Variants in FBRSL1 observed in about 807,000 individuals in gnomAD.
The protein encoded by FBRSL1 is fibrosin-1-like protein.
In FBRSL1, 51 loss-of-function variants were observed where a neutral mutation model predicts 89.6. The observed-to-expected ratio is 0.57, with a 90% CI of 0.45 to 0.72. The LOEUF is 0.72. FBRSL1 is among the 30% of genes least tolerant of loss of function. FBRSL1 has a pLI of 0.00. For synonymous variants in FBRSL1, 779 were observed against 681.1 expected, an observed-to-expected ratio of 1.14 and a Z score of -2.24; for missense variants, 1,618 against 1,451.8, an observed-to-expected ratio of 1.11 and a Z score of -1.86.
In FBRSL1 at chr12:132,548,609, T is replaced by C. The variant is rs540443558; in HGVS notation, c.645+577T>C. Among the ~76,000 whole-genome samples, 25 of 152,290 alleles carry C rather than the reference T, an allele frequency of 1.6e-4. 1 individual carries two copies. Among genetic ancestry groups the C allele is most frequent in the South Asian group, 1.2e-3 (6 of 4,828 alleles). Reference sequence around the variant, plus strand: ...CTCGGAGCAGCCTCCGGGGGGGCTCTCCTTCTGCCCCGCTTGCCCCAGAGC... The same window carrying C: ...CTCGGAGCAGCCTCCGGGGGGGCTCCCCTTCTGCCCCGCTTGCCCCAGAGC... On this transcript the variant is annotated intron_variant, in intron 5 of 18. Coordinates refer to ENST00000680143, the MANE Select transcript of FBRSL1 (RefSeq NM_001367871.1).
At chr12:132,537,309 C>T (rs1860704945) in intron 4 of FBRSL1, among the ~76,000 whole-genome samples, 1 of 151,992 alleles carries the variant, frequency 6.6e-6, no homozygotes, top group African/African-American at 2.4e-5. Context: ...GTGTGTGAGT[C>T]GGGCCGAGCC....
chr12:132,531,020 C>T (rs1338871743), intron 4 of FBRSL1, among the ~76,000 whole-genome samples: 6 of 151,342 alleles, frequency 4.0e-5, no homozygotes, highest in East Asian at 1.9e-4. Flanking sequence ...GGTGAGAGCC[C>T]GGGGTGCAGG....
At chr12:132,557,195 C>T (rs1214301791) in intron 5 of FBRSL1, among the ~76,000 whole-genome samples, 3 of 152,208 alleles carry the variant, frequency 2.0e-5, no homozygotes, top group Non-Finnish European at 4.4e-5. Flanking sequence ...GACGCAGTTA[C>T]AGTGTTGGTT....
chr12:132,579,910 C>G (rs2040627295), intron 15 of FBRSL1, among the ~76,000 whole-genome samples: 1 of 152,094 alleles, frequency 6.6e-6, no homozygotes, highest in Non-Finnish European at 1.5e-5. Context: ...CTTCTGGCAT[C>G]GGTTTCAGTA....
At position 132,574,165 on chromosome 12, in the gene FBRSL1, G is replaced by A; in HGVS notation, c.1599+7G>A. ...CCTGCAGAAAGCGCCTGGGGTAGGT[G>A]TTAGTGGGCGCCCGTCCCCACCCCG... On this transcript the variant is annotated splice_region_variant and intron_variant, in intron 12 of 18. Transcript: ENST00000680143. The A allele has an allele frequency of 4.2e-6, 6 of 1,424,930 alleles. No homozygotes were observed. The highest frequency in any genetic ancestry group is 2.6e-5 in the East Asian group (1 of 38,870). 88.3% of individuals were successfully genotyped at this position (1,424,930 alleles called of 1,614,324 possible).
chr12:132,572,825 G>A (rs117916465), intron 11 of FBRSL1, among the ~76,000 whole-genome samples: 4,715 of 152,340 alleles, frequency 0.031, 106 homozygotes, highest in Non-Finnish European at 0.048. Flanking sequence ...GGGAGGGACA[G>A]GGGGTCCAGC....
chr12:132,574,349 G>T lies in FBRSL1; in HGVS notation c.1629+1G>T. On this transcript the variant is annotated splice_donor_variant, in intron 13 of 18. Transcript: ENST00000680143. LOFTEE classifies it high-confidence loss of function. ...TGACCCGTACCGGGCGGTGGTCAAGGTGAGCACGTGTTGGGAAGGCCCGTG... is the reference window on the plus strand; with the variant it reads ...TGACCCGTACCGGGCGGTGGTCAAGTTGAGCACGTGTTGGGAAGGCCCGTG... 6.5e-7 allele frequency: 1 copy of T among 1,549,780 alleles called. No homozygotes were observed. Among genetic ancestry groups the T allele is most frequent in the Non-Finnish European group, 8.7e-7 (1 of 1,146,558 alleles).
chr12:132,530,623 CTG>C (rs1221707696), intron 4 of FBRSL1, among the ~76,000 whole-genome samples: 3 of 151,800 alleles, frequency 2.0e-5, no homozygotes, highest in African/African-American at 7.3e-5. Context: ...CCAGAGCACT[CTG>C]TGTTTCCTGA....
In FBRSL1 at chr12:132,499,451, C is replaced by T. The variant is rs1479362836; in HGVS notation, c.291+8590C>T. On this transcript the variant is annotated intron_variant, in intron 1 of 18. Transcript: ENST00000680143. The surrounding 1 kb of genome is among the most constrained non-coding windows in gnomAD (Gnocchi z 4.3). Reference sequence around the variant, plus strand: ...TATTGAGCACCGGCTGTGTGCCAGGCCCTGGGCCGGCCCCCAAGATACACC... The same window carrying T: ...TATTGAGCACCGGCTGTGTGCCAGGTCCTGGGCCGGCCCCCAAGATACACC... Among the ~76,000 whole-genome samples the T allele has an allele frequency of 6.6e-6, 1 of 152,206 alleles. No homozygotes were observed. Among genetic ancestry groups the T allele is most frequent in the Non-Finnish European group, 1.5e-5 (1 of 68,028 alleles).
At chr12:132,579,692 C>CT (rs1473214051) in intron 15 of FBRSL1, among the ~76,000 whole-genome samples, 1 of 152,170 alleles carries the variant, frequency 6.6e-6, no homozygotes, top group African/African-American at 2.4e-5. Flanking sequence ...TAAGCCTGGC[C>CT]TTTACTTTCC....
chr12:132,569,541 C>T (rs1174122541), intron 6 of FBRSL1, among the ~76,000 whole-genome samples: 2 of 152,188 alleles, frequency 1.3e-5, no homozygotes, highest in Non-Finnish European at 2.9e-5. Flanking sequence ...TGTTCAAATC[C>T]AGCTCCCCTC....
intron 4 of FBRSL1, among the ~76,000 whole-genome samples, chr12:132,542,326 G>T (rs141189577): frequency 6.6e-6 from 1 of 152,232 alleles, no homozygotes; most frequent in African/African-American, 2.4e-5. Context: ...CTTCCGCACC[G>T]GTGTTCCCAG....
In FBRSL1 at chr12:132,546,041, C is replaced by T. The variant is rs1037694597; in HGVS notation, c.616-1962C>T. On this transcript the variant is annotated intron_variant, in intron 4 of 18. Transcript: ENST00000680143. The surrounding 1 kb of genome is among the most constrained non-coding windows in gnomAD (Gnocchi z 4.0). ...GCAGAGGGCATCCTTGGCACAGTCT[C>T]GGCTCCTGCTTTGCCCTCTTCCGGT... is the stretch of plus-strand genomic sequence containing the variant. Among the ~76,000 whole-genome samples the T allele has an allele frequency of 3.9e-5, 6 of 152,322 alleles. No individual in the cohort carries two copies. Among genetic ancestry groups the T allele is most frequent in the African/African-American group, 9.6e-5 (4 of 41,568 alleles).
Position 132,583,363 on chromosome 12 carries a change from TC to T in FBRSL1, c.2598del (p.Ala867LeufsTer94), listed in dbSNP as rs1472694714. On this transcript the variant is annotated frameshift_variant, in exon 19 of 19. Coordinates refer to ENST00000680143, the MANE Select transcript of FBRSL1 (RefSeq NM_001367871.1). LOFTEE classifies it high-confidence loss of function. ...GGCCTGGAGCTGCCACGTCGCGCCT[TC>T]CCCGCTGCCGCCCCCGCCCCGGGCT... Reference protein sequence around the residue: ...FRGLELPRRAFPAAAPAPGSA... With the variant: ...FRGLELPRRAXPAAAPAPGSA... 1.8e-6 allele frequency: 2 copies of T among 1,124,576 alleles called. No homozygotes were observed. Among genetic ancestry groups the T allele is most frequent in the Non-Finnish European group, 2.2e-6 (2 of 917,462 alleles). The allele number at this position is 1,124,576 out of a possible 1,614,324, so 69.7% of individuals were successfully genotyped here.
Position 132,514,316 on chromosome 12 carries a change from G to C in FBRSL1, c.489+5966G>C, listed in dbSNP as rs140373573. On this transcript the variant is annotated intron_variant, in intron 2 of 18. Transcript: ENST00000680143. ...CCAGGGCCGCCCAGAAGTCCAGGGG[G>C]AGTCCTGGGGCCTCGGAGGGATCTG... Among the ~76,000 whole-genome samples, 402 of 152,310 alleles carry C rather than the reference G, an allele frequency of 2.6e-3. 1 individual carries two copies. The highest frequency in any genetic ancestry group is 9.4e-3 in the African/African-American group (389 of 41,570).
At chr12:132,543,402 G>A (rs548543181) in intron 4 of FBRSL1, among the ~76,000 whole-genome samples, 24 of 152,328 alleles carry the variant, frequency 1.6e-4, no homozygotes, top group African/African-American at 5.8e-4. Flanking sequence ...TGAGTTCCAG[G>A]GTGCACGTTA....
rs990573715 is a variant in FBRSL1, at chr12:132,521,586, G to A, written c.490-4148G>A. Among the ~76,000 whole-genome samples the A allele has an allele frequency of 2.6e-5, 4 of 152,186 alleles. No homozygotes were observed. The East Asian group carries it at 5.8e-4, about 22-fold the overall frequency. Reference sequence around the variant, plus strand: ...TGCAGAGGCTGGAGGCATCGTGGCCGGCCAGTCTCAGTTCATGCCCCTGTA... The same window carrying A: ...TGCAGAGGCTGGAGGCATCGTGGCCAGCCAGTCTCAGTTCATGCCCCTGTA... On this transcript the variant is annotated intron_variant, in intron 2 of 18. Transcript: ENST00000680143.
intron 8 of FBRSL1, among the ~76,000 whole-genome samples, 163 bp from the exon 9 acceptor site, chr12:132,570,905 A>C (rs2039968076): frequency 6.6e-6 from 1 of 152,134 alleles, no homozygotes. Context: ...CCCGACCGCG[A>C]AGGCTTCCTC....
At position 132,582,190 on chromosome 12, in the gene FBRSL1, TC is replaced by T; in HGVS notation, c.2127del (p.Val710TrpfsTer9). ...SFPAPPPWPK[S>X]VDAERVSALT... is the part of the protein sequence containing the mutation. ...CCCGGCTCCGCCCCCGTGGCCCAAG[TC>T]CGTGGACGCGGAGCGGGTGTCAGCC... On this transcript the variant is annotated frameshift_variant, in exon 18 of 19. Coordinates refer to ENST00000680143, the MANE Select transcript of FBRSL1 (RefSeq NM_001367871.1). LOFTEE classifies it high-confidence loss of function. 6.5e-7 allele frequency: 1 copy of T among 1,550,132 alleles called. No individual in the cohort carries two copies. The highest frequency in any genetic ancestry group is 8.7e-7 in the Non-Finnish European group (1 of 1,146,852).
Sources: gnomAD v4.1 joint callset for allele counts (sites outside exome capture counted in the v4.1 genomes callset) on GRCh38, gnomAD v4.1.1 for gene constraint, Gnocchi (gnomAD v3.1) non-coding constraint, MANE v1.5 for transcripts, NCBI Gene and HGNC (gene_info 2026-07-23, HGNC 2026-07-21) for gene names.